TBC1D5: variants seen among roughly 807,000 people sequenced by gnomAD.
TBC1D5 encodes the protein TBC1 domain family, member 5.
TBC1D5 carries 75 observed loss-of-function variants against 100.3 expected under a neutral mutation model. The observed-to-expected ratio is 0.75, with a 90% confidence interval of 0.62 to 0.91. TBC1D5 has a LOEUF of 0.91. TBC1D5 is among the 40% of genes least tolerant of loss of function. The pLI is 0.00. For missense variants in TBC1D5, 910 were observed against 942.4 expected, an observed-to-expected ratio of 0.97 and a Z score of 0.45; for synonymous variants, 323 against 325.6, an observed-to-expected ratio of 0.99 and a Z score of 0.09.
chr3:17,358,440 C>G (rs2091417623), intron 13 of TBC1D5, among the ~76,000 whole-genome samples: 1 of 152,246 alleles, frequency 6.6e-6, no homozygotes, highest in Admixed American at 6.5e-5. Context: ...CCCACCTCGG[C>G]CTCCCAAAGT....
chr3:17,580,222 CTT>C (rs1338241513), intron 2 of TBC1D5, among the ~76,000 whole-genome samples: 3 of 152,038 alleles, frequency 2.0e-5, no homozygotes, highest in African/African-American at 7.2e-5. Context: ...AAACTTGAAA[CTT>C]TAAAAAAAAT....
At chr3:17,599,740 C>T (rs1030156425) in intron 2 of TBC1D5, among the ~76,000 whole-genome samples, 10 of 152,146 alleles carry the variant, frequency 6.6e-5, no homozygotes, top group African/African-American at 2.2e-4. Context: ...CTCTGGCTCT[C>T]GATCACCTGC....
chr3:17,182,240 A>G (rs2068533998), intron 19 of TBC1D5, among the ~76,000 whole-genome samples: 2 of 152,130 alleles, frequency 1.3e-5, no homozygotes, highest in Admixed American at 1.3e-4. Context: ...CCTTAATCCC[A>G]CTTTAAAAAC....
intron 1 of TBC1D5, among the ~76,000 whole-genome samples, chr3:17,630,554 A>G (rs2153670977): frequency 6.6e-6 from 1 of 152,306 alleles, no homozygotes; most frequent in South Asian, 2.1e-4. Context: ...TGCTCCACAG[A>G]TCAGCCATTC....
rs77355634 is a variant in TBC1D5 at position 17,503,401 on chromosome 3, G to C, written c.97+5073C>G. ...TCTAGGAAAGCACTTACTATTCTGTGTTTATTGATCATTTACTTCTCTCTG... is the reference window on the plus strand; with the variant it reads ...TCTAGGAAAGCACTTACTATTCTGTCTTTATTGATCATTTACTTCTCTCTG... On this transcript the variant is annotated intron_variant, in intron 3 of 21. Transcript: ENST00000253692. Among the ~76,000 whole-genome samples, 1,340 of 149,448 alleles carry C rather than the reference G, an allele frequency of 9.0e-3. 143 individuals carry two copies. The highest frequency in any genetic ancestry group is 0.029 in the African/African-American group (1,122 of 39,324).
At chr3:17,504,501 G>C (rs890616513) in intron 3 of TBC1D5, among the ~76,000 whole-genome samples, 2 of 152,012 alleles carry the variant, frequency 1.3e-5, no homozygotes, top group African/African-American at 4.8e-5. Flanking sequence ...TGCTCTGAAT[G>C]AATCAAAAAT....
intron 9 of TBC1D5, among the ~76,000 whole-genome samples, chr3:17,381,344 A>G: frequency 6.6e-6 from 1 of 152,096 alleles, no homozygotes; most frequent in East Asian, 1.9e-4. Flanking sequence ...ATTGGAAAAC[A>G]GATGTGTAAT....
At chr3:17,664,120 A>T (rs1035429213) in intron 1 of TBC1D5, among the ~76,000 whole-genome samples, 4 of 152,118 alleles carry the variant, frequency 2.6e-5, no homozygotes, top group African/African-American at 9.7e-5. Flanking sequence ...CCCAGGCTGG[A>T]GTGCCGTGGC....
chr3:17,466,766 CTT>C lies in TBC1D5; in HGVS notation c.98-38249_98-38248del, dbSNP rs140218778. On this transcript the variant is annotated intron_variant, in intron 3 of 21. Coordinates refer to ENST00000253692, the Ensembl canonical transcript of TBC1D5. ...GCTTAACACCTTATATGCAAAATTA[CTT>C]TTTTTTTTAGTAATTATGTCTTTAG... Among the ~76,000 whole-genome samples, 5 of 147,914 alleles carry C rather than the reference CTT, an allele frequency of 3.4e-5. No homozygotes were observed. In the East Asian group the frequency reaches 9.8e-4, roughly 29 times the overall value.
chr3:17,612,420 G>C (rs564817790), intron 2 of TBC1D5, among the ~76,000 whole-genome samples: 2 of 152,008 alleles, frequency 1.3e-5, no homozygotes, highest in Non-Finnish European at 2.9e-5. Context: ...CGGAGGTCAG[G>C]AGTTCGAGAC....
chr3:17,737,075 T>C (rs1261598381), intron 1 of TBC1D5, among the ~76,000 whole-genome samples: 2 of 152,094 alleles, frequency 1.3e-5, no homozygotes, highest in East Asian at 1.9e-4. Context: ...AAGGGGTTCA[T>C]TCTGATCCCC....
intron 1 of TBC1D5, among the ~76,000 whole-genome samples, chr3:17,667,892 T>C (rs1485475506): frequency 6.6e-6 from 1 of 151,916 alleles, no homozygotes; most frequent in Non-Finnish European, 1.5e-5. Flanking sequence ...ACTTATGAAA[T>C]GATACATGTT....
At chr3:17,374,476 G>T in exon 12 of TBC1D5, 1 of 1,610,924 alleles carries the variant, frequency 6.2e-7, no homozygotes, top group South Asian at 1.1e-5. Context: ...TTTACCTTCT[G>T]ACCATCATGC....
At chr3:17,388,180 G>A (rs1348080694) in intron 8 of TBC1D5, among the ~76,000 whole-genome samples, 1 of 151,978 alleles carries the variant, frequency 6.6e-6, no homozygotes, top group African/African-American at 2.4e-5. Flanking sequence ...TGATAATATA[G>A]AAGTTTCTCT....
chr3:17,527,435 G>C (rs941741742), intron 2 of TBC1D5, among the ~76,000 whole-genome samples: 1 of 152,102 alleles, frequency 6.6e-6, no homozygotes, highest in Admixed American at 6.5e-5. Flanking sequence ...ATCCTTTCAG[G>C]CCATGAAAGG....
chr3:17,417,278 T>G (rs1575799838), intron 4 of TBC1D5, among the ~76,000 whole-genome samples: 1 of 151,990 alleles, frequency 6.6e-6, no homozygotes, highest in East Asian at 1.9e-4. Context: ...GCCATGCTGG[T>G]GTGCTGCACC....
chr3:17,190,362 G>A (rs946146162), intron 18 of TBC1D5, among the ~76,000 whole-genome samples: 1 of 152,178 alleles, frequency 6.6e-6, no homozygotes, highest in African/African-American at 2.4e-5. Context: ...ATTTCAATTT[G>A]TGTATGTGGA....
chr3:17,288,069 G>A (rs1165808656), intron 15 of TBC1D5, among the ~76,000 whole-genome samples: 1 of 152,158 alleles, frequency 6.6e-6, no homozygotes, highest in Non-Finnish European at 1.5e-5. Context: ...GTGTTTCACT[G>A]TTGCTATTAA....
intron 2 of TBC1D5, among the ~76,000 whole-genome samples, chr3:17,533,934 A>G (rs2096258819): frequency 6.8e-6 from 1 of 146,654 alleles, no homozygotes; most frequent in African/African-American, 2.7e-5. Flanking sequence ...TTGAACCTTC[A>G]AAGAATAACC....
Sources: gnomAD v4.1 joint callset for allele counts (sites outside exome capture counted in the v4.1 genomes callset) on GRCh38, gnomAD v4.1.1 for gene constraint, MANE v1.5 for transcripts, NCBI Gene and HGNC (gene_info 2026-07-23, HGNC 2026-07-21) for gene names.